Variants in TEAD4 observed in about 807,000 individuals in gnomAD.
TEAD4 encodes the protein transcriptional enhancer factor TEF-3.
In TEAD4, 36 loss-of-function variants were observed where a neutral mutation model predicts 52.4. The observed-to-expected ratio is 0.69, with a 90% CI of 0.53 to 0.91. The LOEUF (loss-of-function observed/expected upper bound fraction) is 0.91, where lower values mean the gene tolerates loss of function less well. TEAD4 is among the 40% of genes least tolerant of loss of function. The probability of loss-of-function intolerance (pLI) is 0.00; values close to 1 mark genes in which losing one functional copy is unlikely to be tolerated. For missense variants in TEAD4, 508 were observed against 583.9 expected, an observed-to-expected ratio of 0.87 and a Z score of 1.34; for synonymous variants, 220 against 231.0, an observed-to-expected ratio of 0.95 and a Z score of 0.43.
At chr12:2,979,097 G>A (rs1406541978) in intron 2 of TEAD4, among the ~76,000 whole-genome samples, 1 of 151,832 alleles carries the variant, frequency 6.6e-6, no homozygotes, top group African/African-American at 2.4e-5. Flanking sequence ...TGTATTTTTA[G>A]TAGAGACAGG....
intron 2 of TEAD4, among the ~76,000 whole-genome samples, chr12:2,981,566 T>C (rs186413677): frequency 4.3e-4 from 65 of 152,348 alleles, no homozygotes; most frequent in Non-Finnish European, 8.1e-4. Context: ...CTTACCTGTT[T>C]GCATGTCTGT....
At chr12:2,987,867 C>T (rs2098239881) in intron 2 of TEAD4, among the ~76,000 whole-genome samples, 2 of 151,382 alleles carry the variant, frequency 1.3e-5, no homozygotes, top group South Asian at 4.2e-4. Context: ...GAGTTCAAGA[C>T]CAGCCTGGCC....
intron 9 of TEAD4, among the ~76,000 whole-genome samples, chr12:3,021,332 C>T (rs1302589096): frequency 7.5e-6 from 1 of 134,068 alleles, no homozygotes; most frequent in Non-Finnish European, 1.6e-5. Flanking sequence ...TTTCTTGAGA[C>T]AGAGCCTCAC....
chr12:2,987,458 G>A (rs1175082289), intron 2 of TEAD4, among the ~76,000 whole-genome samples: 1 of 151,466 alleles, frequency 6.6e-6, no homozygotes, highest in Non-Finnish European at 1.5e-5. Context: ...TTTTTGAGAC[G>A]GAGTCTCACT....
At chr12:3,025,444 A>G (rs1370973739) in intron 10 of TEAD4, among the ~76,000 whole-genome samples, 2 of 152,108 alleles carry the variant, frequency 1.3e-5, no homozygotes, top group Non-Finnish European at 1.5e-5. Context: ...TTTTTATTAT[A>G]TCCTTATACT....
chr12:3,016,575 C>A (rs1401882499), intron 5 of TEAD4, among the ~76,000 whole-genome samples: 1 of 150,230 alleles, frequency 6.7e-6, no homozygotes, highest in Non-Finnish European at 1.5e-5. Context: ...GTACTCTAGC[C>A]TGTGCGACAG....
intron 2 of TEAD4, among the ~76,000 whole-genome samples, chr12:2,973,414 T>A (rs2153952976): frequency 6.6e-6 from 1 of 152,160 alleles, no homozygotes; most frequent in East Asian, 1.9e-4. Context: ...GTCAGGACAG[T>A]CAGATATGTG....
chr12:2,994,667 G>T lies in TEAD4; in HGVS notation c.-29-71G>T. On this transcript the variant is annotated intron_variant, in intron 2 of 12. Coordinates refer to ENST00000359864, the MANE Select transcript of TEAD4 (RefSeq NM_003213.4). The surrounding 1 kb of genome is among the most constrained non-coding windows in gnomAD (Gnocchi z 4.7). Reference sequence around the variant, plus strand: ...ACTGATTCGGGCTCTGGCACTCCCCGGAGTGCCTTCATCCCGTGGCCCACG... The same window carrying T: ...ACTGATTCGGGCTCTGGCACTCCCCTGAGTGCCTTCATCCCGTGGCCCACG... The T allele has an allele frequency of 6.8e-7, 1 of 1,468,630 alleles. No homozygotes were observed. 91.0% of individuals were successfully genotyped at this position (1,468,630 alleles called of 1,614,324 possible). A position where few individuals can be genotyped will look rare whatever the true frequency, so the allele number is the denominator to read the frequency against.
chr12:2,987,645 A>G (rs2098239667), intron 2 of TEAD4, among the ~76,000 whole-genome samples: 2 of 151,266 alleles, frequency 1.3e-5, no homozygotes, highest in African/African-American at 2.4e-5. Flanking sequence ...CGTGGTCTCG[A>G]TCTCCTGACC....
At chr12:3,024,511 G>C (rs776148108) in intron 10 of TEAD4, among the ~76,000 whole-genome samples, 31 of 152,110 alleles carry the variant, frequency 2.0e-4, no homozygotes, top group Non-Finnish European at 7.4e-5. Context: ...ACAAAAAGTA[G>C]CTGGGTGTGG....
At chr12:2,961,933 G>A (rs910532669) in intron 2 of TEAD4, among the ~76,000 whole-genome samples, 2 of 151,846 alleles carry the variant, frequency 1.3e-5, no homozygotes, top group Non-Finnish European at 2.9e-5. Context: ...AGGAATCCAG[G>A]GTCCTAGTGG....
chr12:2,978,766 C>A (rs1008633046), intron 2 of TEAD4, among the ~76,000 whole-genome samples: 2 of 152,136 alleles, frequency 1.3e-5, no homozygotes, highest in African/African-American at 4.8e-5. Flanking sequence ...GATAGTCTCT[C>A]TTCGGCTGTC....
rs184907107 is a variant in TEAD4 at position 3,022,244 on chromosome 12, G to A, written c.897+227G>A. Among the ~76,000 whole-genome samples the A allele has an allele frequency of 5.9e-4, 90 of 152,338 alleles. No individual in the cohort carries two copies. In the South Asian group the frequency reaches 6.6e-3, roughly 11 times the overall value. ...CTAGTCGAACGAGGCCTTGTCTCAC[G>A]GGTGGGGATGGCAGCTAAGCCGGGC... On this transcript the variant is annotated intron_variant, in intron 10 of 12. Transcript: ENST00000359864.
intron 2 of TEAD4, among the ~76,000 whole-genome samples, chr12:2,982,559 G>A (rs2098234933): frequency 6.6e-6 from 1 of 152,246 alleles, no homozygotes; most frequent in Admixed American, 6.5e-5. Context: ...CATTCCATGA[G>A]CCGCAGGGCA....
At chr12:2,960,149 G>C in intron 2 of TEAD4, 109 bp downstream of exon 2, 1 of 214,194 alleles carries the variant, frequency 4.7e-6, no homozygotes, top group South Asian at 1.7e-4. Flanking sequence ...GAGGCACGTG[G>C]AGGCGGCGCG....
In TEAD4 at chr12:2,975,107, C is replaced by A. The variant is rs1425449254; in HGVS notation, c.-30+15067C>A. 2.0e-5 allele frequency among the ~76,000 whole-genome samples: 3 copies of A among 148,916 alleles called. No homozygotes were observed. In the East Asian group the frequency reaches 5.9e-4, roughly 29 times the overall value. ...TTATTTTTTAGTATCCCTGTCATGG[C>A]AACTTTTGCTTTATTCTAGAACCCT... is the stretch of plus-strand genomic sequence containing the variant. On this transcript the variant is annotated intron_variant, in intron 2 of 12. Coordinates refer to ENST00000359864, the MANE Select transcript of TEAD4 (RefSeq NM_003213.4).
chr12:2,960,299 C>G lies in TEAD4; in HGVS notation c.-30+259C>G, dbSNP rs1467565186. On this transcript the variant is annotated intron_variant, in intron 2 of 12. Transcript: ENST00000359864. ...CATCGGCAACAGAAGAGACCCAGCACCCATGCCTCTTTTCTGCTGGGCCCT... is the reference window on the plus strand; with the variant it reads ...CATCGGCAACAGAAGAGACCCAGCAGCCATGCCTCTTTTCTGCTGGGCCCT... 3.0e-6 allele frequency: 3 copies of G among 985,420 alleles called. No homozygotes were observed. The African/African-American group carries it at 5.2e-5, about 17-fold the overall frequency. The allele number at this position is 985,420 out of a possible 1,614,324, so 61.0% of individuals were successfully genotyped here.
chr12:3,017,268 A>T, intron 5 of TEAD4, 130 bp from the exon 6 acceptor site: 1 of 1,224,910 alleles, frequency 8.2e-7, no homozygotes, highest in Admixed American at 2.3e-5. Flanking sequence ...CACGGCACAG[A>T]CTTAACGCCT....
At chr12:2,977,286 G>C (rs528657018) in intron 2 of TEAD4, among the ~76,000 whole-genome samples, 1 of 152,040 alleles carries the variant, frequency 6.6e-6, no homozygotes, top group African/African-American at 2.4e-5. Flanking sequence ...TGCCCCAGGC[G>C]TCTCTCTCTC....
Sources: gnomAD v4.1 joint callset for allele counts (sites outside exome capture counted in the v4.1 genomes callset) on GRCh38, gnomAD v4.1.1 for gene constraint, Gnocchi (gnomAD v3.1) non-coding constraint, MANE v1.5 for transcripts, NCBI Gene and HGNC (gene_info 2026-07-23, HGNC 2026-07-21) for gene names.